DYRK4: variants seen among roughly 807,000 people sequenced by gnomAD.
DYRK4 encodes the protein dual specificity tyrosine phosphorylation regulated kinase 4, also known as dual specificity tyrosine-phosphorylation-regulated kinase 4.
Under a neutral mutation model 68.3 loss-of-function variants are expected in DYRK4, and 64 were observed. The ratio of observed to expected loss-of-function variants is 0.94; its 90% CI spans 0.77 to 1.15. The LOEUF is 1.15. Ranked by LOEUF, DYRK4 falls within the 50% of genes most tolerant of loss-of-function variation. DYRK4 has a pLI of 0.00. For synonymous variants in DYRK4, 274 were observed against 289.9 expected (o/e 0.95, Z 0.56); for missense variants, 740 against 764.7 (o/e 0.97, Z 0.38).
chr12:4,590,417 C>G lies in DYRK4; in HGVS notation c.301C>G (p.Leu101Val). 1 of 1,535,980 alleles carries G rather than the reference C, an allele frequency of 6.5e-7. No individual in the cohort carries two copies. The highest frequency in any genetic ancestry group is 2.4e-5 in the East Asian group (1 of 40,902). The change falls in exon 4 of 15, where the codon CTG becomes GTG. Residue 101 changes from leucine to valine, a missense_variant. Leu to Val is a conservative substitution (Grantham distance 32, BLOSUM62 1). Around this residue, in one of 3 missense-constraint regions of DYRK4, gnomAD observed 56 missense variants for 89.9 expected, o/e 0.62. Transcript: ENST00000543431. ...CCCACACATTAGCAAGAAAGTCCTGCTGAAGTCATCCCTGCTGTATCAGGT... is the reference window on the plus strand; with the variant it reads ...CCCACACATTAGCAAGAAAGTCCTGGTGAAGTCATCCCTGCTGTATCAGGT... Reference protein sequence around the residue: ...SFPHISKKVLLKSSLLYQENQ... With the variant: ...SFPHISKKVLVKSSLLYQENQ...
intron 2 of DYRK4, among the ~76,000 whole-genome samples, chr12:4,571,466 A>G (rs147048271): frequency 0.016 from 2,432 of 152,298 alleles, 163 homozygotes; most frequent in Admixed American, 0.12. Context: ...GGCCCTTGGC[A>G]TGTATCCTAC....
chr12:4,581,151 G>A (rs1451125075), intron 2 of DYRK4, among the ~76,000 whole-genome samples: 1 of 152,176 alleles, frequency 6.6e-6, no homozygotes, highest in African/African-American at 2.4e-5. Context: ...GATACCCAAG[G>A]TGAGAGAGCC....
At chr12:4,570,075 A>G (rs1024961643) in intron 2 of DYRK4, among the ~76,000 whole-genome samples, 1 of 144,440 alleles carries the variant, frequency 6.9e-6, no homozygotes. Flanking sequence ...AATAATAATA[A>G]TAATGATAAT....
intron 2 of DYRK4, among the ~76,000 whole-genome samples, chr12:4,587,552 T>C (rs1031667865): frequency 1.3e-5 from 2 of 152,220 alleles, no homozygotes; most frequent in Admixed American, 6.5e-5. Context: ...ACAAACCTAC[T>C]TGATGAGAAA....
intron 2 of DYRK4, chr12:4,573,067 T>A (rs2137327012): frequency 3.1e-6 from 1 of 325,970 alleles, no homozygotes; most frequent in Non-Finnish European, 6.0e-6. Context: ...GAATTGCTAG[T>A]TCTGTCTAGG....
rs1591783067 is a variant in DYRK4, at chr12:4,567,996, C to T, written c.80C>T (p.Thr27Ile). Residue 27 changes from threonine to isoleucine, a missense_variant, in exon 2 of 15, where the codon ACT becomes ATT. Physicochemically the swap from Thr to Ile is moderately conservative, Grantham distance 89. This residue lies in a region of DYRK4 where 70 missense variants were observed against 71.1 expected (regional missense o/e 0.98). Coordinates refer to ENST00000543431, the MANE Select transcript of DYRK4 (RefSeq NM_001394779.1). Reference sequence around the variant, plus strand: ...AAAAAGCCAAGGAAATGTGATTTGACTCCCTTCCTGGTTTTGAAAGCAAGA... The same window carrying T: ...AAAAAGCCAAGGAAATGTGATTTGATTCCCTTCCTGGTTTTGAAAGCAAGA... The part of the protein sequence containing the change: ...DAKKPRKCDL[T>I]PFLVLKARKK... The T allele has an allele frequency of 6.5e-7, 1 of 1,536,162 alleles. No individual in the cohort carries two copies. The highest frequency in any genetic ancestry group is 1.2e-5 in the South Asian group (1 of 84,068).
At chr12:4,588,367 T>C (rs1294774287) in intron 2 of DYRK4, among the ~76,000 whole-genome samples, 2 of 152,270 alleles carry the variant, frequency 1.3e-5, no homozygotes, top group Non-Finnish European at 1.5e-5. Context: ...ATCTGCGTAC[T>C]GTACACATTA....
At chr12:4,563,303 A>C (rs117468942) in intron 1 of DYRK4, 4,642 of 379,320 alleles carry the variant, frequency 0.012, 44 homozygotes, top group Middle Eastern at 0.029. Context: ...GGTAAATCGG[A>C]AGGGACTCTC....
Position 4,599,100 on chromosome 12 carries a change from T to G in DYRK4, c.978T>G (p.Thr326=). 1 of 1,613,262 alleles carries G rather than the reference T, an allele frequency of 6.2e-7. No homozygotes were observed. Among genetic ancestry groups the G allele is most frequent in the Non-Finnish European group, 8.5e-7 (1 of 1,179,942 alleles). The change falls in exon 9 of 15, where the codon ACT becomes ACG. Residue 326 remains threonine (T), a synonymous_variant. Transcript: ENST00000543431. ...GTCTGTCCATAGTTCGGCGCTTCAC[T>G]CTCTCTGTTTTGAAGTGCTTGCAGA... ...GFSLSIVRRF[T]LSVLKCLQML...
intron 11 of DYRK4, among the ~76,000 whole-genome samples, chr12:4,606,293 G>GCTATCTAT (rs3083726): frequency 0.14 from 21,651 of 151,062 alleles, 1,816 homozygotes; most frequent in African/African-American, 0.21. Flanking sequence ...TGGCTGGCTG[G>GCTATCTAT]CTATCTATCT....
intron 1 of DYRK4, among the ~76,000 whole-genome samples, chr12:4,566,692 A>G (rs1260880397): frequency 6.6e-6 from 1 of 152,244 alleles, no homozygotes; most frequent in Non-Finnish European, 1.5e-5. Context: ...GTCTCAGCAA[A>G]TGTTTATAGA....
intron 7 of DYRK4, 146 bp downstream of exon 7, chr12:4,596,431 G>T: frequency 1.3e-6 from 2 of 1,508,956 alleles, no homozygotes; most frequent in Non-Finnish European, 1.8e-6. Context: ...GATTCCATGA[G>T]GGGGCAAAGA....
Position 4,610,154 on chromosome 12 carries a change from G to A in DYRK4, c.1361-1G>A, listed in dbSNP as rs964778286. ...AAATACAGAATGTTCTATCTCTACA[G>A]ATTCCAAAGGTTTTCCTAAAAATAT... On this transcript the variant is annotated splice_acceptor_variant, in intron 12 of 14. Coordinates refer to ENST00000543431, the MANE Select transcript of DYRK4 (RefSeq NM_001394779.1). LOFTEE classifies it high-confidence loss of function. The A allele has an allele frequency of 2.5e-6, 4 of 1,586,958 alleles. No individual in the cohort carries two copies. The African/African-American group carries it at 4.1e-5, about 16-fold the overall frequency.
intron 2 of DYRK4, among the ~76,000 whole-genome samples, chr12:4,587,573 G>C (rs1189998980): frequency 1.3e-5 from 2 of 152,196 alleles, no homozygotes; most frequent in South Asian, 4.1e-4. Context: ...TTGAGACTCT[G>C]AGATTTGCAA....
rs895893698 is a variant in DYRK4 at position 4,613,308 on chromosome 12, T to C, written c.1667-207T>C. ...TTATGAGAATGAGAATAAAGCCTGT[T>C]CTCCAGGGTCGCTGAAATGATCAGA... On this transcript the variant is annotated intron_variant, in intron 14 of 14. Transcript: ENST00000543431. This position sits in a 1 kb window ranked among gnomAD's most constrained non-coding sequence, Gnocchi z 4.0. Among the ~76,000 whole-genome samples, 5 of 152,220 alleles carry C rather than the reference T, an allele frequency of 3.3e-5. No individual in the cohort carries two copies. Among genetic ancestry groups the C allele is most frequent in the African/African-American group, 1.2e-4 (5 of 41,454 alleles).
chr12:4,596,941 G>T, intron 8 of DYRK4: 1 of 1,412,260 alleles, frequency 7.1e-7, no homozygotes, highest in South Asian at 1.5e-5. Context: ...GCATACCCAT[G>T]ATGTACTTCC....
intron 4 of DYRK4, chr12:4,590,935 C>A: frequency 1.9e-6 from 1 of 513,244 alleles, no homozygotes; most frequent in Non-Finnish European, 3.3e-6. Context: ...TTGTCAGCAG[C>A]ATACGGTAAG....
intron 2 of DYRK4, among the ~76,000 whole-genome samples, chr12:4,577,881 T>G (rs1333494496): frequency 6.6e-6 from 1 of 152,224 alleles, no homozygotes. Flanking sequence ...TTCAGTTTCT[T>G]GGGAGTGTTA....
At chr12:4,585,614 A>T (rs1028288434) in intron 2 of DYRK4, among the ~76,000 whole-genome samples, 3 of 146,040 alleles carry the variant, frequency 2.1e-5, no homozygotes, top group African/African-American at 7.5e-5. Flanking sequence ...AACATCACAC[A>T]CCGGGGACTG....
Sources: gnomAD v4.1 joint callset for allele counts (sites outside exome capture counted in the v4.1 genomes callset) on GRCh38, gnomAD v4.1.1 for gene constraint, gnomAD v4.1.1 regional missense constraint, Gnocchi (gnomAD v3.1) non-coding constraint, MANE v1.5 for transcripts, NCBI Gene and HGNC (gene_info 2026-07-23, HGNC 2026-07-21) for gene names.